The following ITGA7 variants were observed in gnomAD, a reference collection of about 807,000 sequenced individuals.
The protein encoded by ITGA7 is integrin subunit alpha 7.
A neutral mutation model predicts 131.6 loss-of-function variants in ITGA7; 84 were observed. The observed-to-expected ratio is 0.64, with a 90% CI of 0.54 to 0.77. The LOEUF is 0.77. Among genes scored for constraint, ITGA7 ranks in the 30% least tolerant of loss-of-function variants. ITGA7 has a pLI of 0.00. For missense variants in ITGA7, 1,399 were observed against 1,482.9 expected (o/e 0.94, Z 0.93); for synonymous variants, 548 against 600.7 (o/e 0.91, Z 1.28).
Position 55,684,969 on chromosome 12 carries a change from C to T in ITGA7, c.*89G>A. On this transcript the variant is annotated 3_prime_UTR_variant, in exon 25 of 25. Coordinates refer to ENST00000257879, the MANE Select transcript of ITGA7 (RefSeq NM_002206.3). ...ATCCTGCCAAATCTTGATGCGACAC[C>T]AGCAGCCCACTCTACCCTCTTCATC... 1 of 1,121,870 alleles carries T rather than the reference C, an allele frequency of 8.9e-7. No homozygotes were observed. The highest frequency in any genetic ancestry group is 1.2e-6 in the Non-Finnish European group (1 of 803,192). 69.5% of individuals were successfully genotyped at this position (1,121,870 alleles called of 1,614,324 possible).
Position 55,688,358 on chromosome 12 carries a change from C to T in ITGA7, c.2959-58G>A, listed in dbSNP as rs186183782. The T allele has an allele frequency of 6.1e-5, 71 of 1,164,604 alleles. No homozygotes were observed. The East Asian group carries it at 1.6e-3, about 26-fold the overall frequency. 72.1% of individuals were successfully genotyped at this position (1,164,604 alleles called of 1,614,324 possible). On this transcript the variant is annotated intron_variant, in intron 22 of 24. Coordinates refer to ENST00000257879, the MANE Select transcript of ITGA7 (RefSeq NM_002206.3). Reference sequence around the variant, plus strand: ...AATGCCCCATGTCTCCCTCCCTTCCCCTTACCTCCTGAAATTATAAATGTA... The same window carrying T: ...AATGCCCCATGTCTCCCTCCCTTCCTCTTACCTCCTGAAATTATAAATGTA...
At chr12:55,696,784 G>A in intron 12 of ITGA7, 115 bp downstream of exon 12, 2 of 1,190,442 alleles carry the variant, frequency 1.7e-6, no homozygotes, top group Admixed American at 1.8e-5. Flanking sequence ...TTTCCCACGT[G>A]TCTAGGTCTT....
intron 19 of ITGA7, among the ~76,000 whole-genome samples, 172 bp from the exon 20 acceptor site, chr12:55,693,489 C>T (rs567717210): frequency 7.9e-5 from 12 of 151,980 alleles, no homozygotes; most frequent in African/African-American, 2.7e-4. Context: ...CATGAGCCAC[C>T]GTGCCCAGCC....
chr12:55,701,318 A>T, intron 3 of ITGA7, 164 bp from the exon 4 acceptor site: 7 of 1,565,178 alleles, frequency 4.5e-6, no homozygotes, highest in Non-Finnish European at 6.1e-6. Flanking sequence ...CCACTCAAGC[A>T]CCATTACCCT....
chr12:55,712,278 T>C (rs781318924), upstream of ITGA7: 1 of 1,544,040 alleles, frequency 6.5e-7, no homozygotes, highest in African/African-American at 1.4e-5. Flanking sequence ...ATTTGGACTG[T>C]CTCAAGGGCC....
chr12:55,705,033 C>T (rs1874881651), intron 1 of ITGA7, among the ~76,000 whole-genome samples: 1 of 152,154 alleles, frequency 6.6e-6, no homozygotes, highest in Non-Finnish European at 1.5e-5. Context: ...ATTTTGTGGA[C>T]TCATAGAGAT....
upstream of ITGA7, chr12:55,707,940 AGGCCCCGCCTCC>A (rs1875600917): frequency 1.4e-5 from 19 of 1,356,642 alleles, no homozygotes; most frequent in Non-Finnish European, 1.7e-5. Context: ...GACGCCACTC[AGGCCCCGCCTCC>A]GGCCCCGCCC....
intron 21 of ITGA7, among the ~76,000 whole-genome samples, chr12:55,691,594 A>G (rs572268570): frequency 5.9e-5 from 9 of 152,338 alleles, no homozygotes; most frequent in Admixed American, 2.6e-4. Context: ...GATAAATATA[A>G]TTTTTGTCAT....
intron 19 of ITGA7, among the ~76,000 whole-genome samples, chr12:55,693,574 G>A (rs557331722): frequency 6.6e-6 from 1 of 152,010 alleles, no homozygotes; most frequent in South Asian, 2.1e-4. Flanking sequence ...AGGCCCTCAG[G>A]AAACACAATT....
chr12:55,701,948 TG>T lies in ITGA7; in HGVS notation c.415-795del, dbSNP rs372105399. On this transcript the variant is annotated intron_variant, in intron 3 of 24. Transcript: ENST00000257879. ...CCACAGTGATCTGTATTGGTAATTG[TG>T]TATCTATGCGTGTTACTGAAAGATA... Among the ~76,000 whole-genome samples the T allele has an allele frequency of 8.6e-4, 131 of 152,288 alleles. 3 individuals carry two copies. The highest frequency in any genetic ancestry group is 7.3e-3 in the East Asian group (38 of 5,186).
upstream of ITGA7, chr12:55,712,222 C>G (rs1439988701): frequency 2.6e-6 from 4 of 1,551,364 alleles, no homozygotes; most frequent in Non-Finnish European, 3.5e-6. Context: ...CAAAAGAAAC[C>G]CTTAACACTT....
At chr12:55,714,093 A>G (rs548774322), upstream of ITGA7, among the ~76,000 whole-genome samples, 63 of 152,330 alleles carry the variant, frequency 4.1e-4, no homozygotes, top group African/African-American at 1.5e-3. Context: ...ATATACTGAT[A>G]AGGCCAGGCA....
chr12:55,692,504 T>A (rs1871655945), intron 21 of ITGA7, among the ~76,000 whole-genome samples: 1 of 152,102 alleles, frequency 6.6e-6, no homozygotes, highest in African/African-American at 2.4e-5. Context: ...CTTATAAGAG[T>A]TCAAAAGAAC....
At chr12:55,708,760 C>T (rs3759098), upstream of ITGA7, among the ~76,000 whole-genome samples, 34 of 152,226 alleles carry the variant, frequency 2.2e-4, 1 homozygote, top group East Asian at 6.6e-3. Flanking sequence ...CTACCAGACC[C>T]GTCCCAGGAC....
Position 55,694,303 on chromosome 12 carries a change from G to A in ITGA7, c.2385C>T (p.Val795=), listed in dbSNP as rs758755026. ...CAATGAAGACACGGGCTCGTGCAGA[G>A]ACTGGATGCAGCTCCTGCTCACTGA... ...ATISEQELHP[V]SARARVFIEL... The change falls in exon 18 of 25, where the codon GTC becomes GTT. Residue 795 remains valine, a synonymous_variant. Coordinates refer to ENST00000257879, the MANE Select transcript of ITGA7 (RefSeq NM_002206.3). This position sits in a 1 kb window ranked among gnomAD's most constrained non-coding sequence, Gnocchi z 5.3. 6.2e-7 allele frequency: 1 copy of A among 1,613,862 alleles called. No individual in the cohort carries two copies. The highest frequency in any genetic ancestry group is 2.2e-5 in the East Asian group (1 of 44,896).
At chr12:55,699,306 G>C (rs1182556161) in intron 5 of ITGA7, among the ~76,000 whole-genome samples, 1 of 152,178 alleles carries the variant, frequency 6.6e-6, no homozygotes, top group African/African-American at 2.4e-5. Context: ...AGCTAGAAGA[G>C]CTAGAGGTCC....
Position 55,694,144 on chromosome 12 carries a change from C to T in ITGA7, c.2433-21G>A. 1.2e-6 allele frequency: 2 copies of T among 1,612,262 alleles called. No individual in the cohort carries two copies. Among genetic ancestry groups the T allele is most frequent in the Admixed American group, 3.3e-5 (2 of 60,030 alleles). ...CCATTCTGGCGTGGAGAGGTCAGAA[C>T]AGGGGTGAGAAGGTCTGGGGCCTGG... is the stretch of plus-strand genomic sequence containing the variant. On this transcript the variant is annotated intron_variant, in intron 18 of 24. Transcript: ENST00000257879. This position sits in a 1 kb window ranked among gnomAD's most constrained non-coding sequence, Gnocchi z 5.3.
At chr12:55,711,496 A>T (rs891158154), upstream of ITGA7, among the ~76,000 whole-genome samples, 2 of 151,348 alleles carry the variant, frequency 1.3e-5, no homozygotes, top group African/African-American at 2.4e-5. Flanking sequence ...AAAAAAATTT[A>T]AAAATTTTGT....
In ITGA7 at chr12:55,703,469, A is replaced by G. The variant is rs531684104; in HGVS notation, c.207-291T>C. Among the ~76,000 whole-genome samples the G allele has an allele frequency of 1.1e-4, 16 of 151,972 alleles. 1 individual carries two copies. Among genetic ancestry groups the G allele is most frequent in the Admixed American group, 3.9e-4 (6 of 15,258 alleles). The stretch of plus-strand genomic sequence containing the variant: ...ACACGCCAACCCAAGCAGCCAGGCC[A>G]ACAGTGCTGGTTTGAAAGAACTGCC... On this transcript the variant is annotated intron_variant, in intron 1 of 24. Transcript: ENST00000257879.
Sources: gnomAD v4.1 joint callset for allele counts (sites outside exome capture counted in the v4.1 genomes callset) on GRCh38, gnomAD v4.1.1 for gene constraint, Gnocchi (gnomAD v3.1) non-coding constraint, MANE v1.5 for transcripts, NCBI Gene and HGNC (gene_info 2026-07-23, HGNC 2026-07-21) for gene names.